The following MNAT1 variants were observed in gnomAD, a reference collection of about 807,000 sequenced individuals.
MNAT1 encodes MNAT1 component of CDK activating kinase.
A neutral mutation model predicts 42.0 loss-of-function variants in MNAT1; 43 were observed. That is an observed-to-expected ratio of 1.02 (90% CI 0.80 to 1.32). The LOEUF (loss-of-function observed/expected upper bound fraction) is 1.32, where lower values mean the gene tolerates loss of function less well. Among genes scored for constraint, MNAT1 ranks in the 40% most tolerant of loss-of-function variants. The probability of loss-of-function intolerance (pLI) is 0.00; values close to 1 mark genes in which losing one functional copy is unlikely to be tolerated. For synonymous variants in MNAT1, 118 were observed against 120.0 expected, an observed-to-expected ratio of 0.98 and a Z score of 0.11; for missense variants, 306 against 350.4, an observed-to-expected ratio of 0.87 and a Z score of 1.01.
chr14:60,757,132 A>G (rs1426607731), intron 1 of MNAT1, among the ~76,000 whole-genome samples: 2 of 152,188 alleles, frequency 1.3e-5, no homozygotes, highest in East Asian at 3.8e-4. Context: ...CAGAAACATA[A>G]CACAGAGTAC....
At chr14:60,917,891 G>C (rs1317423469) in intron 7 of MNAT1, among the ~76,000 whole-genome samples, 3 of 152,120 alleles carry the variant, frequency 2.0e-5, no homozygotes, top group African/African-American at 7.2e-5. Flanking sequence ...GCCTCCCAAA[G>C]TGCTGGGATT....
chr14:60,761,414 G>GA (rs2030595104), intron 1 of MNAT1, among the ~76,000 whole-genome samples: 1 of 152,260 alleles, frequency 6.6e-6, no homozygotes, highest in South Asian at 2.1e-4. Flanking sequence ...TTCTCTAAGT[G>GA]AAAACTATAA....
chr14:60,848,774 G>A (rs573772510), intron 6 of MNAT1, among the ~76,000 whole-genome samples: 26 of 151,968 alleles, frequency 1.7e-4, no homozygotes, highest in Non-Finnish European at 3.1e-4. Context: ...TGACTTTTCT[G>A]GAGGACTATA....
intron 6 of MNAT1, among the ~76,000 whole-genome samples, chr14:60,844,275 G>A (rs945440237): frequency 6.6e-6 from 1 of 152,074 alleles, no homozygotes; most frequent in African/African-American, 2.4e-5. Context: ...CTTGGTAAAA[G>A]TATAATTGAT....
At position 60,803,098 on chromosome 14, in the gene MNAT1, AT is replaced by A. The variant is rs113198036; in HGVS notation, c.316+4948del. Among the ~76,000 whole-genome samples the A allele has an allele frequency of 1.2e-4, 18 of 147,986 alleles. No homozygotes were observed. The South Asian group carries it at 1.3e-3, about 11-fold the overall frequency. ...AGGCGCCCACCACCATGCCTGGCTAATTTTTTTTTTGTATTTTTAGTAGAAA... is the reference window on the plus strand; with the variant it reads ...AGGCGCCCACCACCATGCCTGGCTAATTTTTTTTTGTATTTTTAGTAGAAA... On this transcript the variant is annotated intron_variant, in intron 3 of 7. Transcript: ENST00000261245.
intron 1 of MNAT1, among the ~76,000 whole-genome samples, chr14:60,787,568 C>T (rs548204734): frequency 1.2e-4 from 18 of 152,262 alleles, no homozygotes; most frequent in African/African-American, 4.3e-4. Flanking sequence ...TGAAAGATTT[C>T]CCTGGAGCAT....
chr14:60,744,367 A>G (rs1017079857), intron 1 of MNAT1, among the ~76,000 whole-genome samples: 2 of 151,580 alleles, frequency 1.3e-5, no homozygotes, highest in African/African-American at 4.8e-5. Context: ...CTTGACCTCA[A>G]GTGATCTGCG....
At chr14:60,835,630 A>C (rs533342012) in intron 6 of MNAT1, among the ~76,000 whole-genome samples, 2 of 150,874 alleles carry the variant, frequency 1.3e-5, no homozygotes, top group Non-Finnish European at 3.0e-5. Flanking sequence ...ATGGGCTTCA[A>C]GGGTAACCTG....
At chr14:60,906,341 G>T (rs4151342) in intron 7 of MNAT1, among the ~76,000 whole-genome samples, 8,208 of 152,184 alleles carry the variant, frequency 0.054, 329 homozygotes, top group Non-Finnish European at 0.076. Context: ...AGTCATAGGA[G>T]AATTTTGAAC....
chr14:60,751,004 G>T (rs567077363), intron 1 of MNAT1, among the ~76,000 whole-genome samples: 1 of 152,200 alleles, frequency 6.6e-6, no homozygotes, highest in Non-Finnish European at 1.5e-5. Context: ...TTTATTAAAA[G>T]GATTGATAGG....
chr14:60,878,800 T>C (rs1272850434), intron 6 of MNAT1, among the ~76,000 whole-genome samples: 1 of 152,154 alleles, frequency 6.6e-6, no homozygotes, highest in African/African-American at 2.4e-5. Flanking sequence ...CATCTCCTGT[T>C]CTTTGAAGAA....
chr14:60,882,796 C>T (rs2034579815), intron 7 of MNAT1, among the ~76,000 whole-genome samples: 1 of 152,076 alleles, frequency 6.6e-6, no homozygotes, highest in African/African-American at 2.4e-5. Flanking sequence ...GATTCTATCT[C>T]ATTGTAGTTT....
At chr14:60,736,336 A>G (rs1385570765) in intron 1 of MNAT1, among the ~76,000 whole-genome samples, 2 of 152,026 alleles carry the variant, frequency 1.3e-5, no homozygotes, top group African/African-American at 2.4e-5. Context: ...GTAATTTACC[A>G]GAAGGATGCT....
chr14:60,829,258 G>C (rs1281739760), intron 6 of MNAT1, among the ~76,000 whole-genome samples: 1 of 152,086 alleles, frequency 6.6e-6, no homozygotes, highest in East Asian at 1.9e-4. Flanking sequence ...CGTTTTAGGA[G>C]ATGAGTACCA....
At chr14:60,754,247 C>G (rs907696267) in intron 1 of MNAT1, among the ~76,000 whole-genome samples, 1 of 151,984 alleles carries the variant, frequency 6.6e-6, no homozygotes, top group Non-Finnish European at 1.5e-5. Context: ...CTAATAGAAT[C>G]CCTTCATCTT....
chr14:60,894,375 C>T (rs2034908530), intron 7 of MNAT1, among the ~76,000 whole-genome samples: 1 of 151,582 alleles, frequency 6.6e-6, no homozygotes, highest in Admixed American at 6.6e-5. Context: ...CCTCATCTTT[C>T]TTTTTTAGTC....
chr14:60,759,850 T>G (rs1053540169), intron 1 of MNAT1, among the ~76,000 whole-genome samples: 21 of 152,182 alleles, frequency 1.4e-4, no homozygotes, highest in Non-Finnish European at 2.1e-4. Flanking sequence ...TATCTAGCCT[T>G]AGGTCAAATA....
chr14:60,744,371 A>T (rs1896555426), intron 1 of MNAT1, among the ~76,000 whole-genome samples: 2 of 151,680 alleles, frequency 1.3e-5, no homozygotes, highest in African/African-American at 4.8e-5. Context: ...ACCTCAAGTG[A>T]TCTGCGTGCC....
chr14:60,773,415 C>T (rs2140308806), intron 1 of MNAT1, among the ~76,000 whole-genome samples: 2 of 152,204 alleles, frequency 1.3e-5, no homozygotes, highest in East Asian at 3.9e-4. Flanking sequence ...CAAATGTGAT[C>T]ACTGTGTTCA....
Sources: gnomAD v4.1 joint callset for allele counts (sites outside exome capture counted in the v4.1 genomes callset) on GRCh38, gnomAD v4.1.1 for gene constraint, MANE v1.5 for transcripts, NCBI Gene and HGNC (gene_info 2026-07-23, HGNC 2026-07-21) for gene names.